The following NPFFR1 variants were observed in gnomAD, a reference collection of about 807,000 sequenced individuals.
NPFFR1 encodes G-protein coupled receptor 147.
In NPFFR1, 17 loss-of-function variants were observed where a neutral mutation model predicts 12.7. The ratio of observed to expected loss-of-function variants is 1.34; its 90% CI spans 0.92 to 2.01. The LOEUF (loss-of-function observed/expected upper bound fraction) is 2.01. Among genes scored for constraint, NPFFR1 ranks in the 30% most tolerant of loss-of-function variants. NPFFR1 has a pLI of 0.00. For synonymous variants in NPFFR1, 296 were observed against 264.5 expected, an observed-to-expected ratio of 1.12 and a Z score of -1.16; for missense variants, 604 against 606.5, an observed-to-expected ratio of 1.00 and a Z score of 0.04.
At chr10:70,261,357 A>C (rs972004652) in intron 2 of NPFFR1, among the ~76,000 whole-genome samples, 1 of 152,186 alleles carries the variant, frequency 6.6e-6, no homozygotes, top group African/African-American at 2.4e-5. Context: ...CCATCCCTGC[A>C]GAACTGTGAG....
At chr10:70,280,615 T>A (rs1564598458) in intron 1 of NPFFR1, among the ~76,000 whole-genome samples, 1 of 152,234 alleles carries the variant, frequency 6.6e-6, no homozygotes, top group Non-Finnish European at 1.5e-5. Context: ...AGCTCCTGGA[T>A]TTGTTCTTAG....
rs77143297 is a variant in NPFFR1, at chr10:70,283,724, C to G, written c.-48G>C. ...GGCGGTCTCCGATGGCGGGAGGCAG[C>G]GGGCCCCTTCGGGCCAGCGGGCAGA... On this transcript the variant is annotated 5_prime_UTR_variant, in exon 1 of 4. Coordinates refer to ENST00000277942, the MANE Select transcript of NPFFR1 (RefSeq NM_022146.5). 1.4e-5 allele frequency: 22 copies of G among 1,531,006 alleles called. No individual in the cohort carries two copies. The highest frequency in any genetic ancestry group is 1.8e-5 in the Non-Finnish European group (21 of 1,143,646). The allele number at this position is 1,531,006 out of a possible 1,614,324, so 94.8% of individuals were successfully genotyped here.
intron 1 of NPFFR1, among the ~76,000 whole-genome samples, chr10:70,269,268 C>T (rs930630011): frequency 1.0e-4 from 15 of 148,908 alleles, no homozygotes; most frequent in African/African-American, 2.5e-4. Flanking sequence ...GCAATCCTCC[C>T]GCCTCGGCCT....
At chr10:70,265,765 G>A (rs985667039) in intron 2 of NPFFR1, among the ~76,000 whole-genome samples, 1 of 152,194 alleles carries the variant, frequency 6.6e-6, no homozygotes, top group African/African-American at 2.4e-5. Context: ...TAACCACTCC[G>A]AGCATGTTTC....
At chr10:70,276,231 G>C (rs1413457403) in intron 1 of NPFFR1, among the ~76,000 whole-genome samples, 1 of 152,168 alleles carries the variant, frequency 6.6e-6, no homozygotes, top group Non-Finnish European at 1.5e-5. Context: ...GGCAGAACCG[G>C]GGTCACTCTG....
chr10:70,261,443 C>T (rs776269493), intron 2 of NPFFR1, among the ~76,000 whole-genome samples: 26 of 152,178 alleles, frequency 1.7e-4, no homozygotes, highest in Non-Finnish European at 2.8e-4. Context: ...CTAATATACA[C>T]GGGTTTTGCT....
rs768278521 is a variant in NPFFR1 at position 70,266,192 on chromosome 10, G to C, written c.207C>G (p.Leu69=). ...VGNTLVCFIV[L]KNRHMHTVTN... ...TGACAGTATGCATGTGCCGGTTCTT[G>C]AGCACGATGAAACAGACCAGGGTGT... The change falls in exon 2 of 4, where the codon CTC becomes CTG. Residue 69 remains leucine, a synonymous_variant. Transcript: ENST00000277942. 2.5e-6 allele frequency: 4 copies of C among 1,614,032 alleles called. No individual in the cohort carries two copies. Among genetic ancestry groups the C allele is most frequent in the Non-Finnish European group, 2.5e-6 (3 of 1,179,906 alleles).
chr10:70,248,473 T>TTTTC lies in NPFFR1; in HGVS notation c.*6483_*6484insGAAA. 2 of 63,218 alleles carry TTTTC rather than the reference T, an allele frequency of 3.2e-5. 1 individual carries two copies. The highest frequency in any genetic ancestry group is 3.4e-4 in the Admixed American group (2 of 5,846). 3.9% of individuals were successfully genotyped at this position (63,218 alleles called of 1,614,324 possible). ...ACGTAGTACTATGCCTGGCGTTTTTTTTTTGTTTTTTGTTTTTTTTTTTTT... is the reference window on the plus strand; with the variant it reads ...ACGTAGTACTATGCCTGGCGTTTTTTTTTCTTTTGTTTTTTGTTTTTTTTTTTTT... On this transcript the variant is annotated 3_prime_UTR_variant, in exon 4 of 4. Transcript: ENST00000277942.
intron 2 of NPFFR1, among the ~76,000 whole-genome samples, chr10:70,264,533 C>T (rs1589912028): frequency 7.5e-6 from 1 of 132,830 alleles, no homozygotes. Context: ...GTGAGAAACT[C>T]TTTTATTTAT....
chr10:70,260,137 G>A (rs1262694844), intron 3 of NPFFR1, among the ~76,000 whole-genome samples: 2 of 152,216 alleles, frequency 1.3e-5, no homozygotes, highest in Non-Finnish European at 2.9e-5. Context: ...CAGGGAATCT[G>A]ATGGAATATG....
At chr10:70,268,840 T>C (rs916789768) in intron 1 of NPFFR1, among the ~76,000 whole-genome samples, 4 of 152,198 alleles carry the variant, frequency 2.6e-5, no homozygotes, top group African/African-American at 4.8e-5. Context: ...AGTGGATAAA[T>C]AGTTTCTCCT....
Position 70,253,915 on chromosome 10 carries a change from T to G in NPFFR1, c.*1042A>C, listed in dbSNP as rs1447249815. 1 of 152,044 alleles carries G rather than the reference T, an allele frequency of 6.6e-6. No individual in the cohort carries two copies. The highest frequency in any genetic ancestry group is 1.5e-5 in the Non-Finnish European group (1 of 68,016). The allele number at this position is 152,044 out of a possible 1,614,324, so 9.4% of individuals were successfully genotyped here. ...TACCTCCTTAGAGTACACAAGTCATTTGTGCTGGGGAAGAGTTTAGTGTGT... is the reference window on the plus strand; with the variant it reads ...TACCTCCTTAGAGTACACAAGTCATGTGTGCTGGGGAAGAGTTTAGTGTGT... On this transcript the variant is annotated 3_prime_UTR_variant, in exon 4 of 4. Transcript: ENST00000277942.
intron 2 of NPFFR1, among the ~76,000 whole-genome samples, chr10:70,261,593 A>G (rs1840634401): frequency 6.6e-6 from 1 of 152,158 alleles, no homozygotes; most frequent in African/African-American, 2.4e-5. Context: ...TGAGCTTTAG[A>G]CCGTCCAGCC....
intron 1 of NPFFR1, among the ~76,000 whole-genome samples, chr10:70,282,461 CT>C (rs1840873588): frequency 6.6e-6 from 1 of 152,190 alleles, no homozygotes; most frequent in South Asian, 2.1e-4. Context: ...TCCTTCTTGC[CT>C]CTTTTGTGTG....
chr10:70,283,601 T>A (rs1840884703), intron 1 of NPFFR1, 69 bp downstream of exon 1: 2 of 1,436,484 alleles, frequency 1.4e-6, no homozygotes, highest in South Asian at 2.4e-5. Flanking sequence ...CCCTCTCCTC[T>A]CCCTTCGCCC....
rs1236063603 is a variant in NPFFR1 at position 70,251,890 on chromosome 10, T to A, written c.*3067A>T. 6.6e-6 allele frequency: 1 copy of A among 152,160 alleles called. No homozygotes were observed. The highest frequency in any genetic ancestry group is 2.4e-5 in the African/African-American group (1 of 41,432). 9.4% of individuals were successfully genotyped at this position (152,160 alleles called of 1,614,324 possible). A position where few individuals can be genotyped will look rare whatever the true frequency, so the allele number is the denominator to read the frequency against. On this transcript the variant is annotated 3_prime_UTR_variant, in exon 4 of 4. Coordinates refer to ENST00000277942, the MANE Select transcript of NPFFR1 (RefSeq NM_022146.5). ...ACATACAATTTTCTAGCCACTCTAG[T>A]CAGGAAGTAAAGCCCAGCAGAAGCC... is the stretch of plus-strand genomic sequence containing the variant.
intron 1 of NPFFR1, among the ~76,000 whole-genome samples, chr10:70,283,349 C>T (rs996708332): frequency 6.6e-6 from 1 of 151,822 alleles, no homozygotes; most frequent in African/African-American, 2.4e-5. Flanking sequence ...CTCTGTCTCT[C>T]TCTCTCTCTC....
At position 70,255,072 on chromosome 10, in the gene NPFFR1, G is replaced by A. The variant is rs1323289587; in HGVS notation, c.1178C>T (p.Ala393Val). 6.9e-7 allele frequency: 1 copy of A among 1,441,842 alleles called. No homozygotes were observed. The highest frequency in any genetic ancestry group is 9.1e-7 in the Non-Finnish European group (1 of 1,104,750). 89.3% of individuals were successfully genotyped at this position (1,441,842 alleles called of 1,614,324 possible). A position where few individuals can be genotyped will look rare whatever the true frequency, so the allele number is the denominator to read the frequency against. ...LPSESGPSSG[A>V]PRPGRLPLRN... is the part of the protein sequence containing the mutation. The stretch of plus-strand genomic sequence containing the variant: ...CAGCGGGAGGCGGCCGGGCCTGGGG[G>A]CCCCACTGCTAGGGCCCGACTCAGA... The change falls in exon 4 of 4, where the codon GCC becomes GTC. Residue 393 changes from alanine to valine, a missense_variant. Coordinates refer to ENST00000277942, the MANE Select transcript of NPFFR1 (RefSeq NM_022146.5). This position sits in a 1 kb window ranked among gnomAD's most constrained non-coding sequence, Gnocchi z 4.2.
rs892601927 is a variant in NPFFR1, at chr10:70,254,726, T to C, written c.*231A>G. On this transcript the variant is annotated 3_prime_UTR_variant, in exon 4 of 4. Coordinates refer to ENST00000277942, the MANE Select transcript of NPFFR1 (RefSeq NM_022146.5). ...GTTGTGACAATTCAGTGAGATGATG[T>C]TTGTCAAGCCCACCACACAGGGCAA... is the stretch of plus-strand genomic sequence containing the variant. The C allele has an allele frequency of 4.8e-6, 2 of 418,494 alleles. No homozygotes were observed. Among genetic ancestry groups the C allele is most frequent in the Non-Finnish European group, 8.2e-6 (2 of 243,496 alleles). 25.9% of individuals were successfully genotyped at this position (418,494 alleles called of 1,614,324 possible).
Sources: allele counts gnomAD v4.1 joint callset (sites outside exome capture counted in the v4.1 genomes callset), GRCh38; gene constraint gnomAD v4.1.1; non-coding constraint Gnocchi (gnomAD v3.1); transcripts MANE v1.5; gene names NCBI Gene and HGNC (gene_info 2026-07-23, HGNC 2026-07-21).